PPFIA2: variants seen among roughly 807,000 people sequenced by gnomAD.
PPFIA2 encodes the protein PPFI scaffold protein A2.
A neutral mutation model predicts 175.5 loss-of-function variants in PPFIA2; 46 were observed. That is an observed-to-expected ratio of 0.26 (90% CI 0.21 to 0.34). The LOEUF (loss-of-function observed/expected upper bound fraction) is 0.34. Among genes scored for constraint, PPFIA2 ranks in the 10% least tolerant of loss-of-function variants. The probability of loss-of-function intolerance (pLI) is 1.00; values close to 1 mark genes in which losing one functional copy is unlikely to be tolerated. For missense variants in PPFIA2, 1,179 were observed against 1,506.1 expected, an observed-to-expected ratio of 0.78 and a Z score of 3.60; for synonymous variants, 568 against 511.4, an observed-to-expected ratio of 1.11 and a Z score of -1.49.
At chr12:81,641,723 G>T (rs953577111) in intron 4 of PPFIA2, among the ~76,000 whole-genome samples, 1 of 152,080 alleles carries the variant, frequency 6.6e-6, no homozygotes, top group East Asian at 1.9e-4. Context: ...CCTGAGCCTT[G>T]CCCACATCAG....
In PPFIA2 at chr12:81,341,101, A is replaced by C; in HGVS notation, c.2370T>G (p.Ser790=). The part of the protein sequence containing the change: ...RALRMTHTLP[S]SYHNDARSSL... ...ACCTTCGAGCATCATTGTGGTAGGA[A>C]GAAGGGAGAGTGTGAGTCATTCTGA... The change falls in exon 20 of 33, where the codon TCT becomes TCG. Residue 790 remains serine (S), a synonymous_variant. Transcript: ENST00000549396. 6.2e-7 allele frequency: 1 copy of C among 1,610,918 alleles called. No homozygotes were observed. Among genetic ancestry groups the C allele is most frequent in the Non-Finnish European group, 8.5e-7 (1 of 1,177,530 alleles).
At position 81,335,834 on chromosome 12, in the gene PPFIA2, C is replaced by T. The variant is rs865938230; in HGVS notation, c.2548+3346G>A. On this transcript the variant is annotated intron_variant, in intron 21 of 32. Coordinates refer to ENST00000549396, the MANE Select transcript of PPFIA2 (RefSeq NM_003625.5). ...AGAAATGACTCTAAAACCAGATCCC[C>T]GAGTAAGCTAGAAGGAATGCTTCCT... Among the ~76,000 whole-genome samples, 10 of 152,088 alleles carry T rather than the reference C, an allele frequency of 6.6e-5. No homozygotes were observed. The South Asian group carries it at 8.3e-4, about 13-fold the overall frequency.
chr12:81,492,844 G>T (rs1226449691), intron 4 of PPFIA2, among the ~76,000 whole-genome samples: 10 of 152,078 alleles, frequency 6.6e-5, no homozygotes, highest in African/African-American at 2.4e-4. Context: ...TGAGGCAAAA[G>T]AGGAAGTAGG....
intron 18 of PPFIA2, among the ~76,000 whole-genome samples, chr12:81,346,432 A>C (rs1290006993): frequency 6.6e-6 from 1 of 151,054 alleles, no homozygotes; most frequent in Non-Finnish European, 1.5e-5. Flanking sequence ...TTCAGCAGTC[A>C]TCACAATCAT....
chr12:81,327,449 T>C (rs1447424466), intron 21 of PPFIA2, among the ~76,000 whole-genome samples: 1 of 152,122 alleles, frequency 6.6e-6, no homozygotes, highest in Non-Finnish European at 1.5e-5. Context: ...ATTTTATTTC[T>C]CTCATCTGTA....
chr12:81,379,077 T>A (rs1048917579), intron 9 of PPFIA2, among the ~76,000 whole-genome samples: 6 of 152,178 alleles, frequency 3.9e-5, no homozygotes, highest in African/African-American at 1.4e-4. Flanking sequence ...TTGCATTTTG[T>A]AATTTTGGTA....
intron 14 of PPFIA2, among the ~76,000 whole-genome samples, chr12:81,366,019 T>TTCCG (rs2033238198): frequency 9.7e-6 from 1 of 103,356 alleles, no homozygotes; most frequent in African/African-American, 3.8e-5. Flanking sequence ...CCTTCCTTCC[T>TTCCG]TCCTTCCTTC....
At chr12:81,415,325 G>C (rs11114854) in intron 7 of PPFIA2, among the ~76,000 whole-genome samples, 1 of 127,270 alleles carries the variant, frequency 7.9e-6, no homozygotes, top group African/African-American at 2.9e-5. Flanking sequence ...GGATGAATAA[G>C]AATATTCTAC....
Position 81,674,790 on chromosome 12 carries a change from A to T in PPFIA2, c.303+2001T>A, listed in dbSNP as rs144491370. On this transcript the variant is annotated intron_variant, in intron 4 of 32. Transcript: ENST00000549396. ...ACTTGGAGGCAAAAACAATAGCTTCATTCATTGCTTTATTCTTAAATAATG... is the reference window on the plus strand; with the variant it reads ...ACTTGGAGGCAAAAACAATAGCTTCTTTCATTGCTTTATTCTTAAATAATG... 5.5e-3 allele frequency among the ~76,000 whole-genome samples: 838 copies of T among 152,156 alleles called. 8 individuals carry two copies. The highest frequency in any genetic ancestry group is 0.031 in the South Asian group (149 of 4,818).
At chr12:81,356,717 T>C (rs1267716019) in intron 16 of PPFIA2, among the ~76,000 whole-genome samples, 2 of 151,958 alleles carry the variant, frequency 1.3e-5, no homozygotes, top group East Asian at 1.9e-4. Flanking sequence ...GAGACAGATA[T>C]AGGAAATGAG....
chr12:81,281,444 C>G lies in PPFIA2; in HGVS notation c.3025G>C (p.Val1009Leu), dbSNP rs777413633. Reference protein sequence around the residue: ...SEEGSWAQCPVFLQTLAYGDM... With the variant: ...SEEGSWAQCPLFLQTLAYGDM... Reference sequence around the variant, plus strand: ...CCATAAGCCAGGGTCTGTAGAAAAACCGGACACTAGAATTGTTTTATAGCA... The same window carrying G: ...CCATAAGCCAGGGTCTGTAGAAAAAGCGGACACTAGAATTGTTTTATAGCA... Residue 1009 changes from valine to leucine, a missense_variant, in exon 27 of 33, where the codon GTT becomes CTT. Val to Leu is a conservative substitution (Grantham distance 32, BLOSUM62 1). Around this residue, in one of 10 missense-constraint regions of PPFIA2, gnomAD observed 245 missense variants for 375.1 expected, o/e 0.65. Transcript: ENST00000549396. 6.3e-7 allele frequency: 1 copy of G among 1,598,642 alleles called. No homozygotes were observed.
chr12:81,701,783 A>T (rs1200678883), intron 3 of PPFIA2, among the ~76,000 whole-genome samples: 1 of 152,036 alleles, frequency 6.6e-6, no homozygotes, highest in Non-Finnish European at 1.5e-5. Context: ...CTCCATTAAA[A>T]CTATACAAAT....
intron 3 of PPFIA2, among the ~76,000 whole-genome samples, chr12:81,695,595 C>T (rs896121522): frequency 1.3e-5 from 2 of 152,102 alleles, no homozygotes; most frequent in African/African-American, 4.8e-5. Flanking sequence ...ATTACCCAGC[C>T]AGGTATTTCT....
intron 4 of PPFIA2, among the ~76,000 whole-genome samples, chr12:81,664,031 A>C (rs568020682): frequency 6.6e-6 from 1 of 152,212 alleles, no homozygotes; most frequent in Non-Finnish European, 1.5e-5. Flanking sequence ...CTTATACAAA[A>C]ATAAATTCAA....
At chr12:81,362,937 C>T (rs532033061) in intron 14 of PPFIA2, among the ~76,000 whole-genome samples, 153 bp from the exon 15 acceptor site, 8 of 151,414 alleles carry the variant, frequency 5.3e-5, no homozygotes, top group African/African-American at 1.9e-4. Context: ...CCAAAATTTT[C>T]CCCTTGTAAT....
At chr12:81,751,605 GAGAGAA>G (rs901227330) in intron 3 of PPFIA2, among the ~76,000 whole-genome samples, 1 of 151,460 alleles carries the variant, frequency 6.6e-6, no homozygotes, top group African/African-American at 2.4e-5. Flanking sequence ...CAGAGAGTAA[GAGAGAA>G]AGAGAGAGAG....
chr12:81,634,969 G>C (rs2063817473), intron 4 of PPFIA2, among the ~76,000 whole-genome samples: 1 of 151,046 alleles, frequency 6.6e-6, no homozygotes, highest in South Asian at 2.1e-4. Flanking sequence ...TAGGTACTAG[G>C]AGACATTATT....
At chr12:81,624,669 G>A (rs2062486909) in intron 4 of PPFIA2, among the ~76,000 whole-genome samples, 3 of 147,522 alleles carry the variant, frequency 2.0e-5, no homozygotes. Context: ...CAAAATAATG[G>A]TTTTGAAGCA....
At chr12:81,373,336 A>T (rs2035627392) in intron 11 of PPFIA2, among the ~76,000 whole-genome samples, 1 of 151,976 alleles carries the variant, frequency 6.6e-6, no homozygotes, top group Non-Finnish European at 1.5e-5. Flanking sequence ...TGAAAGGCCT[A>T]ATTATGCATA....
Sources: allele counts gnomAD v4.1 joint callset (sites outside exome capture counted in the v4.1 genomes callset), GRCh38; gene constraint gnomAD v4.1.1; regional missense constraint gnomAD v4.1.1; transcripts MANE v1.5; gene names NCBI Gene and HGNC (gene_info 2026-07-23, HGNC 2026-07-21).